ODAD3: variants seen among roughly 807,000 people sequenced by gnomAD.
The protein encoded by ODAD3 is outer dynein arm docking complex subunit 3.
A neutral mutation model predicts 70.9 loss-of-function variants in ODAD3; 57 were observed. That is an observed-to-expected ratio of 0.80 (90% CI 0.65 to 1.00). The LOEUF (loss-of-function observed/expected upper bound fraction) is 1.00. Ranked by LOEUF, ODAD3 falls within the 50% of genes least tolerant of loss-of-function variation. The pLI is 0.00. For missense variants in ODAD3, 797 were observed against 763.9 expected, an observed-to-expected ratio of 1.04 and a Z score of -0.51; for synonymous variants, 327 against 315.9, an observed-to-expected ratio of 1.04 and a Z score of -0.37.
At chr19:11,425,281 A>ATGTACATATGTGTATATATGTGTATG (rs1969298399) in intron 7 of ODAD3, among the ~76,000 whole-genome samples, 4 of 140,288 alleles carry the variant, frequency 2.9e-5, no homozygotes, top group South Asian at 2.2e-4. Flanking sequence ...ATGTGTGTAT[A>ATGTACATATGTGTATATATGTGTATG]TGTACATATG....
chr19:11,427,923 AC>A (rs1193131469), intron 3 of ODAD3, among the ~76,000 whole-genome samples: 1 of 151,298 alleles, frequency 6.6e-6, no homozygotes, highest in African/African-American at 2.4e-5. Flanking sequence ...ACACGGTAAA[AC>A]CCCGTCTCTA....
Position 11,426,135 on chromosome 19 carries a change from T to C in ODAD3, c.963+9A>G. The C allele has an allele frequency of 6.2e-7, 1 of 1,602,182 alleles. No individual in the cohort carries two copies. On this transcript the variant is annotated intron_variant, in intron 7 of 12. Coordinates refer to ENST00000356392, the MANE Select transcript of ODAD3 (RefSeq NM_145045.5). ...GGAGTCACAGGCGCGCACCCCTGGG[T>C]GCGCCCACCTTGCGCTCCATGCGCT...
intron 1 of ODAD3, among the ~76,000 whole-genome samples, chr19:11,432,260 CT>C (rs1164758651): frequency 6.6e-6 from 1 of 152,058 alleles, no homozygotes; most frequent in Non-Finnish European, 1.5e-5. Flanking sequence ...CTTTTCTTTT[CT>C]TTTTTGGGAC....
At chr19:11,431,513 G>A (rs1000957914) in intron 1 of ODAD3, among the ~76,000 whole-genome samples, 1 of 151,872 alleles carries the variant, frequency 6.6e-6, no homozygotes, top group South Asian at 2.1e-4. Context: ...GTGTGAGGCT[G>A]AGCATGATGG....
At position 11,422,380 on chromosome 19, in the gene ODAD3, G is replaced by C. The variant is rs1969158432; in HGVS notation, c.1434+91C>G. 1.5e-5 allele frequency: 21 copies of C among 1,420,090 alleles called. No individual in the cohort carries two copies. The highest frequency in any genetic ancestry group is 1.5e-4 in the South Asian group (10 of 68,486). 88.0% of individuals were successfully genotyped at this position (1,420,090 alleles called of 1,614,324 possible). ...AGGATGTGGCAGGCCACGTTCCCTC[G>C]GGCAAGCTGGTGTGGCAGGAACCCC... On this transcript the variant is annotated intron_variant, in intron 10 of 12. Coordinates refer to ENST00000356392, the MANE Select transcript of ODAD3 (RefSeq NM_145045.5). The surrounding 1 kb of genome is among the most constrained non-coding windows in gnomAD (Gnocchi z 4.6).
In ODAD3 at chr19:11,420,867, G is replaced by A. The variant is rs761909978; in HGVS notation, c.1756C>T (p.His586Tyr). 1.7e-5 allele frequency: 28 copies of A among 1,613,992 alleles called. No individual in the cohort carries two copies. Among genetic ancestry groups the A allele is most frequent in the Non-Finnish European group, 2.1e-5 (25 of 1,179,980 alleles). ...CTCCGAGAGCGACGGTGCTTCTTGT[G>A]ACTTTCGATTAATTTCTGGGAACGG... is the stretch of plus-strand genomic sequence containing the variant. ...KIRSQKLIESHKKHRRSRRS is the reference protein window; with the variant it reads ...KIRSQKLIESYKKHRRSRRS The change falls in exon 13 of 13, where the codon CAC (histidine) becomes TAC (tyrosine). Residue 586 changes from histidine (H) to tyrosine (Y), a missense_variant. Physicochemically the swap from His to Tyr is moderately conservative, Grantham distance 83 (BLOSUM62 2). Transcript: ENST00000356392.
rs549640619 is a variant in ODAD3 at position 11,430,831 on chromosome 19, G to C, written c.367-55C>G. ...AGCATGCCACCTCCAGCTAAGGCCA[G>C]GTGCTACCTACTTGTCCCCCACCAT... On this transcript the variant is annotated intron_variant, in intron 2 of 12. Transcript: ENST00000356392. 9 of 1,613,994 alleles carry C rather than the reference G, an allele frequency of 5.6e-6. No individual in the cohort carries two copies. The South Asian group carries it at 9.9e-5, about 18-fold the overall frequency.
intron 3 of ODAD3, among the ~76,000 whole-genome samples, chr19:11,428,300 G>A (rs893236794): frequency 1.1e-4 from 16 of 152,148 alleles, no homozygotes; most frequent in Admixed American, 1.0e-3. Context: ...GGAGTGCAGT[G>A]GCTCGATCTT....
chr19:11,434,930 G>C lies in ODAD3; in HGVS notation c.87C>G (p.Gly29=), dbSNP rs1166665472. 2.5e-6 allele frequency: 4 copies of C among 1,614,012 alleles called. No homozygotes were observed. Among genetic ancestry groups the C allele is most frequent in the South Asian group, 2.2e-5 (2 of 91,092 alleles). Residue 29 remains glycine, a synonymous_variant, in exon 1 of 13, where the codon GGC becomes GGG. Coordinates refer to ENST00000356392, the MANE Select transcript of ODAD3 (RefSeq NM_145045.5). ...GGCTGGGTTTGCCCGAAGCCTCCCT[G>C]CCCTTGACCCTGGAAGAGGGCGTCG... ...QASTPSSRVK[G]REASGKPSHL...
intron 1 of ODAD3, among the ~76,000 whole-genome samples, chr19:11,431,481 T>TA (rs1225360371): frequency 6.6e-6 from 1 of 151,292 alleles, no homozygotes; most frequent in Non-Finnish European, 1.5e-5. Context: ...GCATCTCTAC[T>TA]AAAAATACAA....
At chr19:11,433,905 C>T (rs1969563542) in intron 1 of ODAD3, among the ~76,000 whole-genome samples, 1 of 152,008 alleles carries the variant, frequency 6.6e-6, no homozygotes, top group Non-Finnish European at 1.5e-5. Flanking sequence ...CCAGCCTCAA[C>T]AGCAGAGCAA....
intron 5 of ODAD3, 45 bp downstream of exon 5, chr19:11,426,638 C>T (rs1241819411): frequency 1.9e-6 from 3 of 1,613,416 alleles, no homozygotes; most frequent in African/African-American, 1.3e-5. Context: ...TAGCCAAGCC[C>T]GCCCTCCCTG....
Position 11,425,208 on chromosome 19 carries a change from CATATGTGTAT to C in ODAD3, c.963+926_963+935del, listed in dbSNP as rs1288216179. ...GTATATATACATATGTGTATGTGTA[CATATGTGTAT>C]ATATGTGTGTATATGTACATATGTG... On this transcript the variant is annotated intron_variant, in intron 7 of 12. Transcript: ENST00000356392. 5.3e-5 allele frequency among the ~76,000 whole-genome samples: 6 copies of C among 112,926 alleles called. 1 individual carries two copies. The highest frequency in any genetic ancestry group is 3.0e-4 in the South Asian group (1 of 3,370). 74.1% of individuals were successfully genotyped at this position (112,926 alleles called of 152,430 possible).
rs1456527129 is a variant in ODAD3 at position 11,435,081 on chromosome 19, A to AGGGATCCGTCAGCTCGGATTCCTAG, written c.-90_-66dup. 5.4e-5 allele frequency: 82 copies of AGGGATCCGTCAGCTCGGATTCCTAG among 1,531,946 alleles called. No homozygotes were observed. In the East Asian group the frequency reaches 1.9e-3, roughly 35 times the overall value. The allele number at this position is 1,531,946 out of a possible 1,614,324, so 94.9% of individuals were successfully genotyped here. ...TAACTAGGAGTCAGTCGCCCCTGTCAGGGATCCGTCAGCTCGGATTCCTAG... is the reference window on the plus strand; with the variant it reads ...TAACTAGGAGTCAGTCGCCCCTGTCAGGGATCCGTCAGCTCGGATTCCTAGGGGATCCGTCAGCTCGGATTCCTAG... On this transcript the variant is annotated 5_prime_UTR_variant, in exon 1 of 13. Transcript: ENST00000356392.
At chr19:11,431,721 T>G (rs1969507284) in intron 1 of ODAD3, among the ~76,000 whole-genome samples, 1 of 149,416 alleles carries the variant, frequency 6.7e-6, no homozygotes, top group Non-Finnish European at 1.5e-5. Context: ...GATCACGAGG[T>G]CAGGAGATCG....
intron 3 of ODAD3, among the ~76,000 whole-genome samples, chr19:11,429,602 G>T (rs1048351024): frequency 6.6e-6 from 1 of 151,846 alleles, no homozygotes; most frequent in African/African-American, 2.4e-5. Context: ...TAAAAACAGG[G>T]TTTCACCATC....
At chr19:11,431,987 C>T (rs1336278529) in intron 1 of ODAD3, among the ~76,000 whole-genome samples, 2 of 149,468 alleles carry the variant, frequency 1.3e-5, no homozygotes, top group African/African-American at 5.0e-5. Context: ...ATGGTGGGTG[C>T]CTGTAATCCC....
At chr19:11,431,202 C>T (rs903530763) in intron 1 of ODAD3, 182 bp from the exon 2 acceptor site, 4 of 689,624 alleles carry the variant, frequency 5.8e-6, no homozygotes, top group Non-Finnish European at 9.3e-6. Context: ...GCCTCCGCCT[C>T]CCGGGTTCAA....
intron 3 of ODAD3, among the ~76,000 whole-genome samples, chr19:11,428,731 G>A (rs986686472): frequency 2.6e-5 from 4 of 151,478 alleles, no homozygotes; most frequent in Non-Finnish European, 5.9e-5. Context: ...TGTATTTGTT[G>A]TAGAGTCAAA....
Sources: gnomAD v4.1 joint callset for allele counts (sites outside exome capture counted in the v4.1 genomes callset) on GRCh38, gnomAD v4.1.1 for gene constraint, Gnocchi (gnomAD v3.1) non-coding constraint, MANE v1.5 for transcripts, NCBI Gene and HGNC (gene_info 2026-07-23, HGNC 2026-07-21) for gene names.